Variants in ADAMTS6 observed in about 807,000 individuals in gnomAD.
ADAMTS6 encodes the protein ADAM metallopeptidase with thrombospondin type 1 motif 6, also known as A disintegrin and metalloproteinase with thrombospondin motifs 6.
Under a neutral mutation model 144.3 loss-of-function variants are expected in ADAMTS6, and 23 were observed. The ratio of observed to expected loss-of-function variants is 0.16; its 90% CI spans 0.11 to 0.23. The LOEUF is 0.23. Among genes scored for constraint, ADAMTS6 ranks in the 10% least tolerant of loss-of-function variants. ADAMTS6 has a pLI of 1.00. For missense variants in ADAMTS6, 999 were observed against 1,379.6 expected (o/e 0.72, Z 4.37); for synonymous variants, 444 against 457.5 (o/e 0.97, Z 0.38).
intron 7 of ADAMTS6, among the ~76,000 whole-genome samples, chr5:65,369,840 T>G (rs1487139525): frequency 6.6e-6 from 1 of 152,166 alleles, no homozygotes; most frequent in East Asian, 1.9e-4. Context: ...TGATTAATTC[T>G]GCACCAAAAC....
intron 21 of ADAMTS6, among the ~76,000 whole-genome samples, chr5:65,196,373 T>A (rs1194581105): frequency 2.6e-5 from 4 of 150,968 alleles, no homozygotes; most frequent in Non-Finnish European, 3.0e-5. Context: ...ATACAAAAAA[T>A]TTAGCCGGGT....
chr5:65,346,950 C>T, intron 7 of ADAMTS6, among the ~76,000 whole-genome samples: 1 of 149,132 alleles, frequency 6.7e-6, no homozygotes, highest in Non-Finnish European at 1.5e-5. Flanking sequence ...ATTTACAATA[C>T]CATTAAAAAA....
chr5:65,237,584 TAAAG>T (rs1561313602), intron 15 of ADAMTS6, among the ~76,000 whole-genome samples: 1 of 151,988 alleles, frequency 6.6e-6, no homozygotes, highest in African/African-American at 2.4e-5. Context: ...TAAAAATAAA[TAAAG>T]ATTCTATTTT....
chr5:65,167,034 G>T (rs1199615797), intron 24 of ADAMTS6, among the ~76,000 whole-genome samples: 1 of 146,642 alleles, frequency 6.8e-6, no homozygotes, highest in Non-Finnish European at 1.5e-5. Flanking sequence ...ACTAAAATCA[G>T]AGCAGAACTG....
intron 9 of ADAMTS6, among the ~76,000 whole-genome samples, chr5:65,300,793 G>A (rs1743294270): frequency 6.6e-6 from 1 of 151,916 alleles, no homozygotes. Flanking sequence ...CACCCCGCCT[G>A]GCTAATTTTT....
At chr5:65,171,772 GAGA>G (rs1753644741) in intron 23 of ADAMTS6, among the ~76,000 whole-genome samples, 1 of 152,018 alleles carries the variant, frequency 6.6e-6, no homozygotes, top group African/African-American at 2.4e-5. Flanking sequence ...ACACAAACCT[GAGA>G]AGTAGTCTGT....
At chr5:65,206,821 C>T (rs115283238) in intron 20 of ADAMTS6, among the ~76,000 whole-genome samples, 4,267 of 104,932 alleles carry the variant, frequency 0.041, 95 homozygotes, top group South Asian at 0.063. Context: ...TGTTTTTTTT[C>T]TCTCTCTCTC....
At position 65,375,349 on chromosome 5, in the gene ADAMTS6, A is replaced by G. The variant is rs542666212; in HGVS notation, c.1074-41264T>C. 2.9e-3 allele frequency among the ~76,000 whole-genome samples: 445 copies of G among 151,536 alleles called. 1 individual carries two copies. The highest frequency in any genetic ancestry group is 0.01 in the African/African-American group (414 of 41,032). On this transcript the variant is annotated intron_variant, in intron 7 of 24. Coordinates refer to ENST00000381055, the MANE Select transcript of ADAMTS6 (RefSeq NM_197941.4). Reference sequence around the variant, plus strand: ...ACCTACAAAATGGGAGAAAATTTTCACAACCTACTCATCTGACAAAGGGCT... The same window carrying G: ...ACCTACAAAATGGGAGAAAATTTTCGCAACCTACTCATCTGACAAAGGGCT...
intron 12 of ADAMTS6, among the ~76,000 whole-genome samples, chr5:65,269,782 T>G (rs1438404083): frequency 6.6e-6 from 1 of 151,388 alleles, no homozygotes; most frequent in Non-Finnish European, 1.5e-5. Context: ...ATGGGCATAG[T>G]GTAAGTACTT....
At chr5:65,314,672 C>T (rs888833589) in intron 9 of ADAMTS6, among the ~76,000 whole-genome samples, 1 of 152,028 alleles carries the variant, frequency 6.6e-6, no homozygotes, top group African/African-American at 2.4e-5. Context: ...ACACCTTACT[C>T]CTGGAGAAAC....
At chr5:65,397,998 T>C (rs1753501227) in intron 7 of ADAMTS6, among the ~76,000 whole-genome samples, 1 of 152,194 alleles carries the variant, frequency 6.6e-6, no homozygotes. Context: ...AGATATTGTA[T>C]GATATCTATT....
intron 7 of ADAMTS6, among the ~76,000 whole-genome samples, chr5:65,370,188 T>C (rs1035951138): frequency 6.6e-6 from 1 of 152,104 alleles, no homozygotes; most frequent in Admixed American, 6.6e-5. Flanking sequence ...GGCAGGTGGA[T>C]CATGAGATCT....
chr5:65,271,370 T>G, intron 12 of ADAMTS6, among the ~76,000 whole-genome samples: 1 of 111,404 alleles, frequency 9.0e-6, no homozygotes, highest in Admixed American at 1.0e-4. Context: ...AGAGCTATAC[T>G]CCGTCTAAAA....
chr5:65,301,394 T>G (rs192109743), intron 9 of ADAMTS6, among the ~76,000 whole-genome samples: 7 of 152,128 alleles, frequency 4.6e-5, no homozygotes, highest in Admixed American at 2.0e-4. Flanking sequence ...GAGTGTAAAA[T>G]AGATGAGGAT....
At chr5:65,386,646 G>A (rs1561489212) in intron 7 of ADAMTS6, among the ~76,000 whole-genome samples, 2 of 152,118 alleles carry the variant, frequency 1.3e-5, no homozygotes, top group African/African-American at 4.8e-5. Flanking sequence ...AGAGTGCAGT[G>A]GCCTGACCTT....
chr5:65,260,526 T>C (rs1420363466), intron 14 of ADAMTS6, 74 bp downstream of exon 14: 8 of 1,244,050 alleles, frequency 6.4e-6, no homozygotes, highest in Non-Finnish European at 9.2e-6. Context: ...TCAAATAGTT[T>C]AAAATTAAAA....
chr5:65,270,091 G>A (rs1476644648), intron 12 of ADAMTS6, among the ~76,000 whole-genome samples: 1 of 152,176 alleles, frequency 6.6e-6, no homozygotes, highest in African/African-American at 2.4e-5. Context: ...ACCAGGCCCG[G>A]CCGTAAGTAC....
chr5:65,439,675 C>T (rs567812444), intron 7 of ADAMTS6, among the ~76,000 whole-genome samples: 21 of 152,106 alleles, frequency 1.4e-4, no homozygotes, highest in African/African-American at 4.3e-4. Context: ...GGGAAAATAG[C>T]TATAAAGAAT....
intron 9 of ADAMTS6, among the ~76,000 whole-genome samples, chr5:65,302,476 A>G (rs1284624598): frequency 6.6e-6 from 1 of 151,426 alleles, no homozygotes. Flanking sequence ...AAAAATAAGC[A>G]AAGAAAGAGA....
Sources: allele counts gnomAD v4.1 joint callset (sites outside exome capture counted in the v4.1 genomes callset), GRCh38; gene constraint gnomAD v4.1.1; transcripts MANE v1.5; gene names NCBI Gene and HGNC (gene_info 2026-07-23, HGNC 2026-07-21).